STPG2: variants seen among roughly 807,000 people sequenced by gnomAD.
STPG2 encodes the protein sperm tail PG-rich repeat containing 2, also known as sperm-tail PG-rich repeat-containing protein 2.
A neutral mutation model predicts 54.2 loss-of-function variants in STPG2; 56 were observed. That is an observed-to-expected ratio of 1.03 (90% CI 0.83 to 1.29). The LOEUF is 1.29. Ranked by LOEUF, STPG2 falls within the 50% of genes most tolerant of loss-of-function variation. The probability of loss-of-function intolerance (pLI) is 0.00; values close to 1 mark genes in which losing one functional copy is unlikely to be tolerated. For synonymous variants in STPG2, 200 were observed against 181.8 expected (o/e 1.10, Z -0.81); for missense variants, 596 against 544.9 (o/e 1.09, Z -0.93).
chr4:97,584,988 G>A (rs1397021795), intron 10 of STPG2, among the ~76,000 whole-genome samples: 1 of 149,790 alleles, frequency 6.7e-6, no homozygotes, highest in Non-Finnish European at 1.5e-5. Context: ...ATAAAGAAAG[G>A]AGGAATCCTC....
chr4:97,913,431 C>T (rs1007456544), intron 8 of STPG2, among the ~76,000 whole-genome samples: 3 of 152,090 alleles, frequency 2.0e-5, no homozygotes, highest in Admixed American at 6.5e-5. Context: ...CAAGTTGAGA[C>T]ATCAGAGAGA....
intron 5 of STPG2, among the ~76,000 whole-genome samples, chr4:98,069,688 ATTTTC>A (rs1356020042): frequency 6.6e-6 from 1 of 152,022 alleles, no homozygotes; most frequent in Non-Finnish European, 1.5e-5. Context: ...ATGCTCCAGG[ATTTTC>A]TTTTCAAGAT....
chr4:98,029,455 T>C (rs1736527479), intron 5 of STPG2, among the ~76,000 whole-genome samples: 2 of 152,178 alleles, frequency 1.3e-5, no homozygotes, highest in Admixed American at 6.6e-5. Flanking sequence ...TAATACTCTT[T>C]ATTCTTATAT....
At chr4:97,495,164 T>C (rs1730580280) in intron 4 of STPG2, among the ~76,000 whole-genome samples, 1 of 151,452 alleles carries the variant, frequency 6.6e-6, no homozygotes, top group South Asian at 2.1e-4. Context: ...ATATAGTTCT[T>C]CTGGTTGAGT....
chr4:97,622,456 C>T (rs1471248297), intron 10 of STPG2, among the ~76,000 whole-genome samples: 1 of 151,612 alleles, frequency 6.6e-6, no homozygotes, highest in Non-Finnish European at 1.5e-5. Context: ...TGTAAAAAAA[C>T]AGCATTCCTA....
intron 10 of STPG2, among the ~76,000 whole-genome samples, chr4:97,577,719 T>C (rs1460736115): frequency 1.3e-5 from 2 of 152,188 alleles, no homozygotes; most frequent in African/African-American, 2.4e-5. Context: ...CATGTATTCC[T>C]GAATCTAAAA....
At chr4:97,673,943 G>A (rs1722767540) in intron 10 of STPG2, among the ~76,000 whole-genome samples, 1 of 152,120 alleles carries the variant, frequency 6.6e-6, no homozygotes, top group Admixed American at 6.5e-5. Flanking sequence ...ATGTCAAGCA[G>A]TTTATCACAA....
chr4:97,832,830 AC>A (rs1728509424), intron 9 of STPG2, among the ~76,000 whole-genome samples: 1 of 152,204 alleles, frequency 6.6e-6, no homozygotes, highest in Admixed American at 6.5e-5. Context: ...TTCAAGGAGT[AC>A]TACAAACCAC....
chr4:97,809,933 T>TA (rs1478627799), intron 9 of STPG2, among the ~76,000 whole-genome samples: 4 of 152,018 alleles, frequency 2.6e-5, no homozygotes, highest in East Asian at 3.9e-4. Flanking sequence ...TTTAAAAAAA[T>TA]AAAAAAACTA....
intron 8 of STPG2, among the ~76,000 whole-genome samples, chr4:97,903,516 A>G (rs1425531216): frequency 6.6e-6 from 1 of 152,210 alleles, no homozygotes; most frequent in Admixed American, 6.5e-5. Flanking sequence ...TACAATAAAT[A>G]TAGAATCAAA....
chr4:97,948,485 T>G (rs1733335290), intron 7 of STPG2, among the ~76,000 whole-genome samples: 1 of 152,122 alleles, frequency 6.6e-6, no homozygotes, highest in Non-Finnish European at 1.5e-5. Context: ...CTTGTTTCTC[T>G]TATTCTTTGA....
chr4:97,455,087 A>T (rs1300928992), intron 4 of STPG2, among the ~76,000 whole-genome samples: 2 of 152,190 alleles, frequency 1.3e-5, no homozygotes, highest in Non-Finnish European at 2.9e-5. Flanking sequence ...AGATCTTATA[A>T]CCTTCACAAA....
At chr4:97,917,223 A>T (rs1461509616) in intron 8 of STPG2, 1 of 152,490 alleles carries the variant, frequency 6.6e-6, no homozygotes, top group Non-Finnish European at 1.5e-5. Flanking sequence ...AACTCCACAG[A>T]AATGGACATC....
chr4:97,488,167 C>T (rs1182357269), intron 4 of STPG2, among the ~76,000 whole-genome samples: 1 of 151,498 alleles, frequency 6.6e-6, no homozygotes, highest in Non-Finnish European at 1.5e-5. Context: ...ATCTAATCAT[C>T]AAAATAAATG....
chr4:97,564,388 AT>A (rs1448035567), intron 10 of STPG2, among the ~76,000 whole-genome samples: 2 of 152,026 alleles, frequency 1.3e-5, no homozygotes, highest in Non-Finnish European at 2.9e-5. Flanking sequence ...TCTTTATCCA[AT>A]TTGCCAGTCT....
chr4:98,069,457 CA>C (rs1426895156), intron 5 of STPG2, among the ~76,000 whole-genome samples: 1 of 151,992 alleles, frequency 6.6e-6, no homozygotes, highest in Non-Finnish European at 1.5e-5. Context: ...TGCCCTTAAT[CA>C]GCAATTTTAA....
rs147202443 is a variant in STPG2 at position 97,470,937 on chromosome 4, C to G, written c.462+241762G>C. Among the ~76,000 whole-genome samples, 730 of 152,212 alleles carry G rather than the reference C, an allele frequency of 4.8e-3. 7 individuals are homozygous for G. Among genetic ancestry groups the G allele is most frequent in the African/African-American group, 0.016 (682 of 41,544 alleles). On this transcript the variant is annotated intron_variant, in intron 4 of 4. Coordinates refer to the STPG2 transcript ENST00000522676. ...GATGATATGTCAGATTGGGGATCAT[C>G]TGCTTTGGTTGATCCTGGATCATCA...
intron 10 of STPG2, among the ~76,000 whole-genome samples, chr4:97,603,201 A>G (rs1733509124): frequency 6.6e-6 from 1 of 151,776 alleles, no homozygotes; most frequent in Non-Finnish European, 1.5e-5. Flanking sequence ...ATATCCAACA[A>G]ACACACAAAA....
intron 10 of STPG2, among the ~76,000 whole-genome samples, chr4:97,621,335 G>T (rs1001459995): frequency 9.9e-5 from 15 of 151,952 alleles, no homozygotes; most frequent in African/African-American, 3.6e-4. Context: ...AACATAAAAA[G>T]ATTAATGAAT....
Sources: gnomAD v4.1 joint callset for allele counts (sites outside exome capture counted in the v4.1 genomes callset) on GRCh38, gnomAD v4.1.1 for gene constraint, MANE v1.5 for transcripts, NCBI Gene and HGNC (gene_info 2026-07-23, HGNC 2026-07-21) for gene names.